Variants in TBC1D12 observed in about 807,000 individuals in gnomAD.
TBC1D12 encodes TBC1 domain family member 12.
TBC1D12 carries 56 observed loss-of-function variants against 86.7 expected under a neutral mutation model. The ratio of observed to expected loss-of-function variants is 0.65; its 90% CI spans 0.52 to 0.81. The LOEUF is 0.81. TBC1D12 is among the 30% of genes least tolerant of loss of function. The pLI, the probability that TBC1D12 is intolerant of heterozygous loss-of-function variation, is 0.00. For missense variants in TBC1D12, 1,023 were observed against 1,038.8 expected (o/e 0.98, Z 0.21); for synonymous variants, 421 against 411.7 (o/e 1.02, Z -0.27).
At chr10:94,410,565 T>C (rs911863724) in intron 1 of TBC1D12, among the ~76,000 whole-genome samples, 5 of 152,156 alleles carry the variant, frequency 3.3e-5, no homozygotes, top group Admixed American at 2.6e-4. Context: ...GTTGTTGTTC[T>C]TGACATATTA....
intron 9 of TBC1D12, 131 bp downstream of exon 9, chr10:94,511,785 A>G (rs1388562468): frequency 1.2e-5 from 8 of 680,878 alleles, no homozygotes; most frequent in Non-Finnish European, 1.7e-5. Flanking sequence ...TTATCAATTT[A>G]CCCAGTGAAG....
chr10:94,486,194 C>T (rs1248037577), intron 3 of TBC1D12, among the ~76,000 whole-genome samples: 2 of 137,528 alleles, frequency 1.5e-5, no homozygotes, highest in Non-Finnish European at 3.0e-5. Flanking sequence ...GTCACCCAGG[C>T]TGGAGTACAT....
At chr10:94,503,422 T>A (rs2056423835) in intron 6 of TBC1D12, among the ~76,000 whole-genome samples, 1 of 152,154 alleles carries the variant, frequency 6.6e-6, no homozygotes, top group African/African-American at 2.4e-5. Flanking sequence ...ATAGCCAGGA[T>A]TGGATGCAAA....
chr10:94,405,590 C>G (rs766536528), intron 1 of TBC1D12, among the ~76,000 whole-genome samples: 5 of 152,048 alleles, frequency 3.3e-5, no homozygotes, highest in Non-Finnish European at 7.4e-5. Context: ...TTGGTCATAT[C>G]TATCTTGGTC....
intron 6 of TBC1D12, among the ~76,000 whole-genome samples, chr10:94,502,948 C>A (rs1040609890): frequency 2.6e-5 from 4 of 152,142 alleles, no homozygotes; most frequent in East Asian, 1.9e-4. Context: ...GGTGTATATT[C>A]TTTCTGGTCT....
intron 1 of TBC1D12, among the ~76,000 whole-genome samples, chr10:94,405,925 C>G (rs1177811156): frequency 6.6e-6 from 1 of 151,910 alleles, no homozygotes; most frequent in African/African-American, 2.4e-5. Flanking sequence ...ATTCTCCTGC[C>G]TCAGCCTCCC....
chr10:94,529,196 T>TG (rs1219456757), intron 11 of TBC1D12, among the ~76,000 whole-genome samples: 2 of 152,114 alleles, frequency 1.3e-5, no homozygotes, highest in Non-Finnish European at 2.9e-5. Context: ...TTTATAGAGA[T>TG]GGGGTCTCAC....
chr10:94,493,841 T>G (rs970401374), intron 4 of TBC1D12, among the ~76,000 whole-genome samples: 2 of 152,178 alleles, frequency 1.3e-5, no homozygotes, highest in African/African-American at 2.4e-5. Context: ...AGGATCATAG[T>G]TTTTCTGCAT....
intron 3 of TBC1D12, among the ~76,000 whole-genome samples, chr10:94,486,136 C>CTTTTTTTTTTTT (rs760373766): frequency 4.1e-4 from 49 of 120,866 alleles, no homozygotes; most frequent in South Asian, 9.0e-4. Flanking sequence ...TCTTCTTCTT[C>CTTTTTTTTTTTT]TTCTTTTTTT....
intron 1 of TBC1D12, among the ~76,000 whole-genome samples, chr10:94,437,520 G>A (rs1215215107): frequency 2.0e-5 from 3 of 152,012 alleles, no homozygotes; most frequent in African/African-American, 7.2e-5. Flanking sequence ...TAGAGATGGG[G>A]TTTCACCATG....
chr10:94,506,100 G>T lies in TBC1D12; in HGVS notation c.1520-1167G>T, dbSNP rs567466867. ...TGCCCAGACTGGAGTGCAGTGGTGC[G>T]ATCTCTGCTCACAGCAACCTCTGCC... is the stretch of plus-strand genomic sequence containing the variant. On this transcript the variant is annotated intron_variant, in intron 6 of 12. Coordinates refer to ENST00000225235, the MANE Select transcript of TBC1D12 (RefSeq NM_015188.2). 3.3e-5 allele frequency among the ~76,000 whole-genome samples: 5 copies of T among 151,306 alleles called. No homozygotes were observed. The South Asian group carries it at 8.3e-4, about 25-fold the overall frequency.
At chr10:94,462,064 G>C (rs750737984) in intron 2 of TBC1D12, among the ~76,000 whole-genome samples, 2 of 151,874 alleles carry the variant, frequency 1.3e-5, no homozygotes, top group East Asian at 3.9e-4. Context: ...ACTATGTTAG[G>C]GATTTTTGCT....
chr10:94,437,490 C>T (rs1468429463), intron 1 of TBC1D12, among the ~76,000 whole-genome samples: 4 of 151,950 alleles, frequency 2.6e-5, no homozygotes, highest in Non-Finnish European at 4.4e-5. Context: ...CCATGCCTGG[C>T]TAATTTTTTG....
chr10:94,516,829 A>G (rs912658619), intron 9 of TBC1D12, among the ~76,000 whole-genome samples: 5 of 152,082 alleles, frequency 3.3e-5, no homozygotes, highest in Non-Finnish European at 7.4e-5. Context: ...TCACTTTCTC[A>G]ATTTCTATAA....
At chr10:94,468,877 T>C (rs936742316) in intron 2 of TBC1D12, among the ~76,000 whole-genome samples, 5 of 152,228 alleles carry the variant, frequency 3.3e-5, no homozygotes, top group African/African-American at 1.2e-4. Flanking sequence ...TTGGATAGTT[T>C]CTGTTGCTCT....
chr10:94,487,882 A>G (rs1027786647), intron 3 of TBC1D12, among the ~76,000 whole-genome samples: 61 of 136,824 alleles, frequency 4.5e-4, no homozygotes, highest in Non-Finnish European at 8.4e-4. Flanking sequence ...TTGTTTTTTT[A>G]GTAAGGATGA....
At chr10:94,418,936 G>T (rs192978482) in intron 1 of TBC1D12, among the ~76,000 whole-genome samples, 2,349 of 150,566 alleles carry the variant, frequency 0.016, 29 homozygotes, top group Middle Eastern at 0.057. Context: ...GTGCAGTGGC[G>T]CGATCTCGGC....
At chr10:94,403,680 G>C (rs2134039355) in intron 1 of TBC1D12, 96 bp downstream of exon 1, 3 of 843,812 alleles carry the variant, frequency 3.6e-6, no homozygotes, top group Non-Finnish European at 4.9e-6. Flanking sequence ...GAGCCGGAGC[G>C]GAGAGCTTGG....
intron 1 of TBC1D12, among the ~76,000 whole-genome samples, chr10:94,428,902 G>A (rs1158166158): frequency 2.0e-5 from 3 of 151,948 alleles, no homozygotes; most frequent in East Asian, 3.9e-4. Flanking sequence ...ACGGGGTTTC[G>A]CTATGTTGCC....
Sources: allele counts gnomAD v4.1 joint callset (sites outside exome capture counted in the v4.1 genomes callset), GRCh38; gene constraint gnomAD v4.1.1; transcripts MANE v1.5; gene names NCBI Gene and HGNC (gene_info 2026-07-23, HGNC 2026-07-21).